The following RAB31 variants were observed in gnomAD, a reference collection of about 807,000 sequenced individuals.
RAB31 encodes RAB31, member RAS oncogene family.
Under a neutral mutation model 25.6 loss-of-function variants are expected in RAB31, and 21 were observed. That is an observed-to-expected ratio of 0.82 (90% CI 0.58 to 1.18). RAB31 has a LOEUF of 1.18. Ranked by LOEUF, RAB31 falls within the 50% of genes most tolerant of loss-of-function variation. The pLI is 0.00. For synonymous variants in RAB31, 87 were observed against 84.0 expected (o/e 1.04, Z -0.20); for missense variants, 196 against 250.1 (o/e 0.78, Z 1.46).
intron 1 of RAB31, among the ~76,000 whole-genome samples, chr18:9,731,596 C>CTTTTTTTTTTTTTTTTTTTT (rs10685568): frequency 9.3e-6 from 1 of 107,636 alleles, no homozygotes; most frequent in African/African-American, 3.8e-5. Context: ...TGGGAATTTG[C>CTTTTTTTTTTTTTTTTTTTT]TTTTTTTTTT....
intron 1 of RAB31, among the ~76,000 whole-genome samples, chr18:9,750,568 C>T (rs556882361): frequency 8.5e-5 from 13 of 152,208 alleles, no homozygotes; most frequent in East Asian, 5.8e-4. Context: ...TGCATTCTTA[C>T]GTGTGGTGGG....
intron 5 of RAB31, among the ~76,000 whole-genome samples, chr18:9,837,447 C>G (rs1365459968): frequency 6.6e-6 from 1 of 151,928 alleles, no homozygotes; most frequent in Non-Finnish European, 1.5e-5. Context: ...AACTCAGAAG[C>G]CATGGTTGAA....
intron 6 of RAB31, among the ~76,000 whole-genome samples, chr18:9,853,654 G>A (rs781592057): frequency 3.3e-5 from 5 of 152,092 alleles, no homozygotes; most frequent in African/African-American, 9.7e-5. Flanking sequence ...GTGCCAAAAC[G>A]GAACCCTCCT....
chr18:9,751,914 C>T (rs1306805074), intron 1 of RAB31, among the ~76,000 whole-genome samples: 2 of 152,176 alleles, frequency 1.3e-5, no homozygotes, highest in African/African-American at 4.8e-5. Flanking sequence ...AGCAAAACAT[C>T]ATCCCTTGCA....
intron 5 of RAB31, among the ~76,000 whole-genome samples, chr18:9,845,023 T>A (rs982509193): frequency 1.3e-5 from 2 of 152,022 alleles, no homozygotes; most frequent in African/African-American, 4.8e-5. Flanking sequence ...TTAAATAGAG[T>A]TCATGCCCTA....
rs1179444146 is a variant in RAB31, at chr18:9,845,750, A to G, written c.490+59A>G. On this transcript the variant is annotated intron_variant, in intron 6 of 6. Transcript: ENST00000578921. ...TGCATTTTTATGCTTCTGGGAGTCA[A>G]AGGATAACATTTTAGAACTCTGAAG... is the stretch of plus-strand genomic sequence containing the variant. 4 of 1,488,638 alleles carry G rather than the reference A, an allele frequency of 2.7e-6. No individual in the cohort carries two copies. The African/African-American group carries it at 5.7e-5, about 21-fold the overall frequency. The allele number at this position is 1,488,638 out of a possible 1,614,324, so 92.2% of individuals were successfully genotyped here.
chr18:9,718,272 T>G (rs1459126234), intron 1 of RAB31, among the ~76,000 whole-genome samples: 1 of 152,164 alleles, frequency 6.6e-6, no homozygotes, highest in Non-Finnish European at 1.5e-5. Flanking sequence ...TTTGTTTGTT[T>G]GTTTGAGATG....
At chr18:9,805,400 C>T (rs908922162) in intron 3 of RAB31, among the ~76,000 whole-genome samples, 3 of 152,144 alleles carry the variant, frequency 2.0e-5, no homozygotes, top group Admixed American at 2.0e-4. Context: ...AGAGACCACT[C>T]GCATTCCTTG....
At chr18:9,773,760 G>C (rs974940206) in intron 1 of RAB31, among the ~76,000 whole-genome samples, 1 of 152,158 alleles carries the variant, frequency 6.6e-6, no homozygotes, top group Non-Finnish European at 1.5e-5. Flanking sequence ...CCGGGCTCAA[G>C]CCATCTTCCT....
At chr18:9,719,889 C>T (rs1322692708) in intron 1 of RAB31, among the ~76,000 whole-genome samples, 2 of 152,182 alleles carry the variant, frequency 1.3e-5, no homozygotes, top group Non-Finnish European at 2.9e-5. Context: ...AACTCCTTCC[C>T]GCCGTGCCAC....
chr18:9,848,947 C>T (rs536266214), intron 6 of RAB31, among the ~76,000 whole-genome samples: 2 of 152,222 alleles, frequency 1.3e-5, no homozygotes, highest in Admixed American at 6.5e-5. Context: ...CTGAAGCTAC[C>T]CTGTAAAGGA....
At chr18:9,803,975 C>T (rs552634842) in intron 3 of RAB31, among the ~76,000 whole-genome samples, 9 of 152,226 alleles carry the variant, frequency 5.9e-5, no homozygotes, top group South Asian at 4.1e-4. Context: ...TGTTCATATA[C>T]GAAGATACCT....
At chr18:9,713,709 C>G (rs1410568359) in intron 1 of RAB31, among the ~76,000 whole-genome samples, 2 of 152,168 alleles carry the variant, frequency 1.3e-5, no homozygotes, top group Non-Finnish European at 2.9e-5. Flanking sequence ...GCTGCTGTCA[C>G]AAAAATACCA....
intron 6 of RAB31, among the ~76,000 whole-genome samples, chr18:9,854,878 A>G (rs1416693778): frequency 6.6e-6 from 1 of 152,240 alleles, no homozygotes. Context: ...TTACTCATCT[A>G]GATGATTCAG....
chr18:9,855,042 C>T (rs1328336141), intron 6 of RAB31, among the ~76,000 whole-genome samples: 1 of 152,214 alleles, frequency 6.6e-6, no homozygotes, highest in East Asian at 1.9e-4. Context: ...AGCGCTTGCG[C>T]AGGAAATGGC....
intron 1 of RAB31, among the ~76,000 whole-genome samples, chr18:9,768,183 ATAG>A (rs1352298836): frequency 6.6e-6 from 1 of 152,210 alleles, no homozygotes; most frequent in Non-Finnish European, 1.5e-5. Context: ...ATGTGTCTTT[ATAG>A]TAGAATGATT....
chr18:9,763,600 TTATA>T (rs57545209), intron 1 of RAB31, among the ~76,000 whole-genome samples: 45 of 141,698 alleles, frequency 3.2e-4, no homozygotes, highest in Admixed American at 3.5e-4. Context: ...AAGAAAAAAA[TTATA>T]TATATATATA....
At chr18:9,728,505 C>T (rs1013004702) in intron 1 of RAB31, among the ~76,000 whole-genome samples, 9 of 152,150 alleles carry the variant, frequency 5.9e-5, no homozygotes, top group Non-Finnish European at 1.0e-4. Context: ...TTTCTACACC[C>T]TTACAACACA....
At chr18:9,817,193 A>AG in intron 5 of RAB31, among the ~76,000 whole-genome samples, 1 of 152,240 alleles carries the variant, frequency 6.6e-6, no homozygotes, top group African/African-American at 2.4e-5. Context: ...ACCTTTGCTG[A>AG]GAGAAGGTGC....
Sources: allele counts gnomAD v4.1 joint callset (sites outside exome capture counted in the v4.1 genomes callset), GRCh38; gene constraint gnomAD v4.1.1; transcripts MANE v1.5; gene names NCBI Gene and HGNC (gene_info 2026-07-23, HGNC 2026-07-21).